The following SULF1 variants were observed in gnomAD, a reference collection of about 807,000 sequenced individuals.
The protein encoded by SULF1 is sulfatase 1, also known as extracellular sulfatase Sulf-1.
A neutral mutation model predicts 110.5 loss-of-function variants in SULF1; 46 were observed. The ratio of observed to expected loss-of-function variants is 0.42; its 90% confidence interval spans 0.33 to 0.53. The LOEUF (loss-of-function observed/expected upper bound fraction) is 0.53. Ranked by LOEUF, SULF1 falls within the 20% of genes least tolerant of loss-of-function variation. The pLI is 0.12. For synonymous variants in SULF1, 371 were observed against 387.1 expected, an observed-to-expected ratio of 0.96 and a Z score of 0.49; for missense variants, 941 against 1,094.2, an observed-to-expected ratio of 0.86 and a Z score of 1.98.
At chr8:69,648,151 AAAC>A (rs1183242221) in intron 22 of SULF1, among the ~76,000 whole-genome samples, 2 of 149,042 alleles carry the variant, frequency 1.3e-5, no homozygotes, top group Admixed American at 6.6e-5. Flanking sequence ...AAAAAAAAAA[AAAC>A]AAAGAGCTCA....
chr8:69,494,665 A>G (rs987813481), intron 1 of SULF1, among the ~76,000 whole-genome samples: 7 of 152,180 alleles, frequency 4.6e-5, no homozygotes, highest in African/African-American at 1.2e-4. Flanking sequence ...GGCAAACTCA[A>G]TCATAATAGA....
chr8:69,621,124 G>A lies in SULF1; in HGVS notation c.1467G>A (p.Thr489=), dbSNP rs148125441. The A allele has an allele frequency of 7.9e-5, 127 of 1,614,128 alleles. No homozygotes were observed. The highest frequency in any genetic ancestry group is 7.6e-4 in the East Asian group (34 of 44,886). The change falls in exon 14 of 23, where the codon ACG becomes ACA. Residue 489 remains threonine, a synonymous_variant. Transcript: ENST00000402687. The stretch of plus-strand genomic sequence containing the variant: ...ACCTGCTCACAGTCCGGCAGAGCAC[G>A]CGGAACCTCTACGCTCGCGGCTTCC... ...PSDLLTVRQS[T]RNLYARGFHD... is the part of the protein sequence containing the mutation.
At chr8:69,654,356 T>A (rs1812560991) in intron 22 of SULF1, among the ~76,000 whole-genome samples, 1 of 152,070 alleles carries the variant, frequency 6.6e-6, no homozygotes, top group African/African-American at 2.4e-5. Context: ...CTACCAATAA[T>A]AGGCTAGCAA....
intron 6 of SULF1, among the ~76,000 whole-genome samples, chr8:69,581,819 G>A (rs1049572644): frequency 1.3e-5 from 2 of 152,126 alleles, no homozygotes; most frequent in Non-Finnish European, 2.9e-5. Context: ...GAGTCTCAAT[G>A]TCATGAGGCA....
At chr8:69,580,272 A>G (rs1805970578) in intron 6 of SULF1, among the ~76,000 whole-genome samples, 1 of 152,226 alleles carries the variant, frequency 6.6e-6, no homozygotes, top group Admixed American at 6.5e-5. Context: ...AGATTGGATT[A>G]TATATCATAA....
At chr8:69,608,896 A>G (rs1311923761) in intron 13 of SULF1, among the ~76,000 whole-genome samples, 2 of 152,054 alleles carry the variant, frequency 1.3e-5, no homozygotes, top group Non-Finnish European at 2.9e-5. Context: ...ACCCCCGGAC[A>G]CGTTTATGTA....
intron 1 of SULF1, among the ~76,000 whole-genome samples, chr8:69,484,449 A>G (rs1402125064): frequency 6.6e-6 from 1 of 152,220 alleles, no homozygotes; most frequent in Non-Finnish European, 1.5e-5. Flanking sequence ...AGGACCTAAA[A>G]ATTAAGTTGG....
chr8:69,543,171 C>A (rs1330193761), intron 3 of SULF1, among the ~76,000 whole-genome samples: 2 of 152,122 alleles, frequency 1.3e-5, no homozygotes, highest in Non-Finnish European at 2.9e-5. Flanking sequence ...TCCATACTTG[C>A]AAATATATAA....
intron 3 of SULF1, among the ~76,000 whole-genome samples, chr8:69,504,501 G>A (rs1010358618): frequency 2.6e-5 from 4 of 152,190 alleles, no homozygotes; most frequent in South Asian, 2.1e-4. Flanking sequence ...GTTGCAGTGA[G>A]CCAAGATTGT....
chr8:69,548,922 CCACACACATACA>C (rs1814491360), intron 3 of SULF1, among the ~76,000 whole-genome samples: 1 of 152,122 alleles, frequency 6.6e-6, no homozygotes, highest in African/African-American at 2.4e-5. Flanking sequence ...CACCACCTCC[CCACACACATACA>C]CACACACAAA....
chr8:69,580,891 C>G (rs1253820874), intron 6 of SULF1, among the ~76,000 whole-genome samples: 1 of 152,044 alleles, frequency 6.6e-6, no homozygotes, highest in Non-Finnish European at 1.5e-5. Flanking sequence ...TTTTACGTTA[C>G]AAAATTTATG....
chr8:69,527,786 T>C (rs1221826500), intron 3 of SULF1, among the ~76,000 whole-genome samples: 3 of 152,106 alleles, frequency 2.0e-5, no homozygotes, highest in Non-Finnish European at 4.4e-5. Context: ...TGTATGTGTG[T>C]GTGTGTTTCT....
intron 21 of SULF1, among the ~76,000 whole-genome samples, chr8:69,639,203 C>G (rs1399044567): frequency 6.6e-6 from 1 of 152,184 alleles, no homozygotes; most frequent in Non-Finnish European, 1.5e-5. Context: ...AAGATATACT[C>G]TGAGTAAACC....
chr8:69,640,111 G>A (rs2130680459), intron 21 of SULF1, among the ~76,000 whole-genome samples: 1 of 135,344 alleles, frequency 7.4e-6, no homozygotes, highest in Non-Finnish European at 1.6e-5. Context: ...GAGAGAGAGA[G>A]GAAGGAAGAA....
intron 19 of SULF1, among the ~76,000 whole-genome samples, chr8:69,636,719 G>A (rs372296711): frequency 2.0e-5 from 3 of 152,172 alleles, no homozygotes; most frequent in African/African-American, 7.2e-5. Context: ...AGCCCAATTT[G>A]TTCAACTTTT....
intron 3 of SULF1, among the ~76,000 whole-genome samples, chr8:69,546,771 A>G (rs185182024): frequency 4.6e-5 from 7 of 152,338 alleles, no homozygotes; most frequent in Admixed American, 2.0e-4. Context: ...TACTCTGAGC[A>G]ACATCATAAT....
intron 8 of SULF1, chr8:69,597,208 C>T (rs188952552): frequency 5.4e-4 from 82 of 152,356 alleles, no homozygotes; most frequent in African/African-American, 1.5e-3. Context: ...GCCGCATCTT[C>T]GAGGAATTTG....
At chr8:69,644,760 CAA>C (rs59189043) in intron 22 of SULF1, among the ~76,000 whole-genome samples, 124 of 115,174 alleles carry the variant, frequency 1.1e-3, no homozygotes, top group African/African-American at 3.6e-3. Context: ...GACGCCGTCT[CAA>C]AAAAAAAAAA....
chr8:69,632,215 C>T (rs1390662606), intron 19 of SULF1, among the ~76,000 whole-genome samples: 1 of 152,138 alleles, frequency 6.6e-6, no homozygotes, highest in Non-Finnish European at 1.5e-5. Context: ...GAACTGATCC[C>T]ATTCAATACC....
Sources: allele counts gnomAD v4.1 joint callset (sites outside exome capture counted in the v4.1 genomes callset), GRCh38; gene constraint gnomAD v4.1.1; transcripts MANE v1.5; gene names NCBI Gene and HGNC (gene_info 2026-07-23, HGNC 2026-07-21).